Variants in SLC4A1 observed in about 807,000 individuals in gnomAD.
SLC4A1 encodes solute carrier family 4 member 1 (Diego blood group).
Under a neutral mutation model 93.1 loss-of-function variants are expected in SLC4A1, and 29 were observed. The observed-to-expected ratio is 0.31, with a 90% confidence interval of 0.23 to 0.42. The LOEUF is 0.42. Ranked by LOEUF, SLC4A1 falls within the 20% of genes least tolerant of loss-of-function variation. SLC4A1 has a pLI of 1.00. For synonymous variants in SLC4A1, 469 were observed against 497.2 expected (o/e 0.94, Z 0.76); for missense variants, 965 against 1,190.1 (o/e 0.81, Z 2.78).
chr17:44,251,636 A>C lies in SLC4A1; in HGVS notation c.2312-48T>G, dbSNP rs13306780. The C allele has an allele frequency of 0.66, 1,063,139 of 1,603,050 alleles. 361,365 individuals are homozygous for C. Among genetic ancestry groups the C allele is most frequent in the South Asian group, 0.71 (64,189 of 90,762 alleles). On this transcript the variant is annotated intron_variant, in intron 17 of 19. Coordinates refer to ENST00000262418, the MANE Select transcript of SLC4A1 (RefSeq NM_000342.4). ...CAGCCCAGGTTGCCCGAGGCCTGGC[A>C]CCAGTGGGGGGTCAGGCCCCTATCT... is the stretch of plus-strand genomic sequence containing the variant.
At chr17:44,264,232 G>C (rs754311602) in intron 1 of SLC4A1, among the ~76,000 whole-genome samples, 26 of 152,178 alleles carry the variant, frequency 1.7e-4, no homozygotes, top group Non-Finnish European at 3.4e-4. Flanking sequence ...GGCTGAGGCA[G>C]GCAGATTGCT....
chr17:44,264,171 G>A (rs1402391486), intron 1 of SLC4A1, among the ~76,000 whole-genome samples: 2 of 152,062 alleles, frequency 1.3e-5, no homozygotes, highest in Non-Finnish European at 2.9e-5. Context: ...TTTTTAAATG[G>A]TTTCTTGGTT....
rs1567834198 is a variant in SLC4A1 at position 44,259,854 on chromosome 17, C to A, written c.564G>T (p.Leu188=). 6.2e-7 allele frequency: 1 copy of A among 1,614,010 alleles called. No individual in the cohort carries two copies. Among genetic ancestry groups the A allele is most frequent in the Non-Finnish European group, 8.5e-7 (1 of 1,180,012 alleles). ...LTRSGDPSQP[L]LPQHSSLETQ... ...TCTCCAGTGAGGAGTGTTGGGGGAGCAGAGGCTGTGAAGGATCCCCAGAGC... is the reference window on the plus strand; with the variant it reads ...TCTCCAGTGAGGAGTGTTGGGGGAGAAGAGGCTGTGAAGGATCCCCAGAGC... The change falls in exon 7 of 20, where the codon CTG becomes CTT. Residue 188 remains leucine (L), a synonymous_variant. Transcript: ENST00000262418.
chr17:44,263,063 T>C, intron 1 of SLC4A1, 129 bp from the exon 2 acceptor site: 1 of 762,968 alleles, frequency 1.3e-6, no homozygotes, highest in Non-Finnish European at 2.2e-6. Flanking sequence ...AGGAAGGAAG[T>C]GTGGAGGGAA....
chr17:44,256,578 C>G (rs2047390837), intron 13 of SLC4A1, among the ~76,000 whole-genome samples: 1 of 152,222 alleles, frequency 6.6e-6, no homozygotes, highest in African/African-American at 2.4e-5. Context: ...CATCCACAAG[C>G]CCTGCAGCTC....
rs376607995 is a variant in SLC4A1 at position 44,254,612 on chromosome 17, G to C, written c.1941C>G (p.Gly647=). The C allele has an allele frequency of 1.9e-6, 3 of 1,614,176 alleles. No individual in the cohort carries two copies. Among genetic ancestry groups the C allele is most frequent in the Non-Finnish European group, 2.5e-6 (3 of 1,180,006 alleles). Residue 647 remains glycine (G), a synonymous_variant, in exon 16 of 20, where the codon GGC becomes GGG. Transcript: ENST00000262418. The part of the protein sequence containing the change: ...GFKVSNSSAR[G]WVIHPLGLRS... ...GCAAGCCCAGTGGGTGGATGACCCA[G>C]CCCCGGGCTGAGGAGTTGGACACCT...
chr17:44,248,662 C>T lies in SLC4A1; in HGVS notation c.*1796G>A, dbSNP rs1252083885. On this transcript the variant is annotated 3_prime_UTR_variant, in exon 20 of 20. Coordinates refer to ENST00000262418, the MANE Select transcript of SLC4A1 (RefSeq NM_000342.4). The stretch of plus-strand genomic sequence containing the variant: ...AGGTACCATTATCATCCCCATTTTA[C>T]AGACGAGGAAACTGAACTGTAGCAT... The T allele has an allele frequency of 6.5e-6, 1 of 154,198 alleles. No homozygotes were observed. Among genetic ancestry groups the T allele is most frequent in the East Asian group, 1.9e-4 (1 of 5,226 alleles). The allele number at this position is 154,198 out of a possible 1,614,324, so 9.6% of individuals were successfully genotyped here. A position where few individuals can be genotyped will look rare whatever the true frequency, so the allele number is the denominator to read the frequency against.
chr17:44,260,871 T>C, intron 4 of SLC4A1, 56 bp from the exon 5 acceptor site: 1 of 1,589,104 alleles, frequency 6.3e-7, no homozygotes, highest in Non-Finnish European at 8.6e-7. Context: ...GCATAGTGGG[T>C]GCTCAGCCAC....
chr17:44,255,314 G>A lies in SLC4A1; in HGVS notation c.1801-18C>T. ...CGACGCAGCTGGGGGCAGGTGAAAG[G>A]ACCAGTGGTCAGTGCCCAGTCACTC... is the stretch of plus-strand genomic sequence containing the variant. On this transcript the variant is annotated intron_variant, in intron 14 of 19. Transcript: ENST00000262418. 6.5e-7 allele frequency: 1 copy of A among 1,545,780 alleles called. No homozygotes were observed. The highest frequency in any genetic ancestry group is 2.4e-5 in the East Asian group (1 of 41,190).
rs774670565 is a variant in SLC4A1 at position 44,259,223 on chromosome 17, C to T, written c.816G>A (p.Glu272=). 6.2e-7 allele frequency: 1 copy of T among 1,614,062 alleles called. No individual in the cohort carries two copies. Among genetic ancestry groups the T allele is most frequent in the South Asian group, 1.1e-5 (1 of 91,090 alleles). ...IRFLFVLLGP[E]APHIDYTQLG... Reference sequence around the variant, plus strand: ...GCTGGGTGTAATCGATGTGGGGGGCCTCAGGTCCCAGCAACACAAAGAGGA... The same window carrying T: ...GCTGGGTGTAATCGATGTGGGGGGCTTCAGGTCCCAGCAACACAAAGAGGA... The change falls in exon 9 of 20, where the codon GAG becomes GAA. Residue 272 remains glutamate, a synonymous_variant. Coordinates refer to ENST00000262418, the MANE Select transcript of SLC4A1 (RefSeq NM_000342.4).
At chr17:44,255,326 G>T (rs1396949967) in intron 14 of SLC4A1, 30 bp from the exon 15 acceptor site, 2 of 1,517,572 alleles carry the variant, frequency 1.3e-6, no homozygotes, top group South Asian at 2.4e-5. Flanking sequence ...CCAGTGGTCA[G>T]TGCCCAGTCA....
intron 17 of SLC4A1, 48 bp downstream of exon 17, chr17:44,253,070 G>T: frequency 6.3e-7 from 1 of 1,597,378 alleles, no homozygotes; most frequent in Non-Finnish European, 8.5e-7. Flanking sequence ...AAGGGGCCGG[G>T]GGTGAGGGGC....
intron 17 of SLC4A1, among the ~76,000 whole-genome samples, chr17:44,251,900 AT>A (rs113097171): frequency 0.019 from 2,576 of 135,080 alleles, 60 homozygotes; most frequent in African/African-American, 0.055. Flanking sequence ...CACCTGGATC[AT>A]TTTTTTTTTT....
At position 44,257,594 on chromosome 17, in the gene SLC4A1, G is replaced by A. The variant is rs562118372; in HGVS notation, c.1432-50C>T. On this transcript the variant is annotated intron_variant, in intron 12 of 19. Transcript: ENST00000262418. ...GTCAGTCAAAGGGTCTTGGGGCAAG[G>A]CACCATGCATCAGGCAGGTGGTGCG... 4.7e-5 allele frequency: 76 copies of A among 1,612,876 alleles called. 1 individual carries two copies. The South Asian group carries it at 7.8e-4, about 17-fold the overall frequency.
rs1459768622 is a variant in SLC4A1, at chr17:44,249,010, C to A, written c.*1448G>T. 5.8e-6 allele frequency: 2 copies of A among 346,570 alleles called. No homozygotes were observed. Among genetic ancestry groups the A allele is most frequent in the Non-Finnish European group, 1.1e-5 (2 of 176,542 alleles). The allele number at this position is 346,570 out of a possible 1,614,324, so 21.5% of individuals were successfully genotyped here. ...AAGTAGCTGGGATTACAGGTGCCTG[C>A]CACGAGACACCCAGCTAATTTTTGT... On this transcript the variant is annotated 3_prime_UTR_variant, in exon 20 of 20. Coordinates refer to ENST00000262418, the MANE Select transcript of SLC4A1 (RefSeq NM_000342.4).
At chr17:44,253,479 C>T (rs2047361184) in intron 16 of SLC4A1, 108 bp from the exon 17 acceptor site, 5 of 1,413,598 alleles carry the variant, frequency 3.5e-6, no homozygotes, top group South Asian at 1.4e-5. Context: ...GTCTTCTGTG[C>T]CCCTCGCTCT....
intron 15 of SLC4A1, 51 bp downstream of exon 15, chr17:44,255,156 A>G (rs1448566438): frequency 2.3e-6 from 3 of 1,305,384 alleles, no homozygotes; most frequent in Admixed American, 2.0e-5. Flanking sequence ...TGGGGGGTGG[A>G]AATGAGGACC....
chr17:44,252,245 TG>T (rs1300735742), intron 17 of SLC4A1, among the ~76,000 whole-genome samples: 1 of 151,886 alleles, frequency 6.6e-6, no homozygotes, highest in Non-Finnish European at 1.5e-5. Flanking sequence ...AGTAGAGACG[TG>T]GTTTCACCAT....
In SLC4A1 at chr17:44,258,125, G is replaced by A. The variant is rs944293553; in HGVS notation, c.1143C>T (p.Gly381=). 1 of 1,614,058 alleles carries A rather than the reference G, an allele frequency of 6.2e-7. No homozygotes were observed. The highest frequency in any genetic ancestry group is 8.5e-7 in the Non-Finnish European group (1 of 1,180,004). The change falls in exon 11 of 20, where the codon GGC becomes GGT. Residue 381 remains glycine, a synonymous_variant. Transcript: ENST00000262418. This position sits in a 1 kb window ranked among gnomAD's most constrained non-coding sequence, Gnocchi z 6.1. ...AGCGGCGCCGGATATCACGCACCAG[G>A]CCCCCGAAGAGCTGGCCTGTCTGCT... ...PLQQTGQLFG[G]LVRDIRRRYP...
Sources: allele counts gnomAD v4.1 joint callset (sites outside exome capture counted in the v4.1 genomes callset), GRCh38; gene constraint gnomAD v4.1.1; non-coding constraint Gnocchi (gnomAD v3.1); transcripts MANE v1.5; gene names NCBI Gene and HGNC (gene_info 2026-07-23, HGNC 2026-07-21).